ELAPOR2: variants seen among roughly 807,000 people sequenced by gnomAD.
ELAPOR2 encodes the protein endosome-lysosome associated apoptosis and autophagy regulator family member 2, also known as endosome/lysosome-associated apoptosis and autophagy regulator family member 2.
ELAPOR2 carries 89 observed loss-of-function variants against 120.7 expected under a neutral mutation model. The ratio of observed to expected loss-of-function variants is 0.74; its 90% CI spans 0.62 to 0.88. ELAPOR2 has a LOEUF of 0.88. Among genes scored for constraint, ELAPOR2 ranks in the 40% least tolerant of loss-of-function variants. The probability of loss-of-function intolerance (pLI) is 0.00; values close to 1 mark genes in which losing one functional copy is unlikely to be tolerated. For synonymous variants in ELAPOR2, 444 were observed against 444.9 expected, an observed-to-expected ratio of 1.00 and a Z score of 0.03; for missense variants, 1,134 against 1,251.6, an observed-to-expected ratio of 0.91 and a Z score of 1.42.
At position 86,959,538 on chromosome 7, in the gene ELAPOR2, T is replaced by C. The variant is rs531350339; in HGVS notation, c.310+5366A>G. Reference sequence around the variant, plus strand: ...TAAGAGTTTGTATCATAAAAGAGTATTGAATTTTGTCAAATGTTCTTTCTG... The same window carrying C: ...TAAGAGTTTGTATCATAAAAGAGTACTGAATTTTGTCAAATGTTCTTTCTG... On this transcript the variant is annotated intron_variant, in intron 2 of 21. Coordinates refer to ENST00000450689, the MANE Select transcript of ELAPOR2 (RefSeq NM_001142749.3). Among the ~76,000 whole-genome samples, 102 of 152,344 alleles carry C rather than the reference T, an allele frequency of 6.7e-4. No individual in the cohort carries two copies. In the Middle Eastern group the frequency reaches 0.02, roughly 30 times the overall value.
At chr7:86,992,960 G>A (rs1476310364) in intron 1 of ELAPOR2, among the ~76,000 whole-genome samples, 4 of 152,034 alleles carry the variant, frequency 2.6e-5, no homozygotes, top group South Asian at 2.1e-4. Flanking sequence ...AAATCTTGCC[G>A]GGCGTGGTGG....
intron 1 of ELAPOR2, among the ~76,000 whole-genome samples, chr7:86,970,225 T>C (rs1326519589): frequency 6.6e-6 from 1 of 152,140 alleles, no homozygotes; most frequent in Non-Finnish European, 1.5e-5. Flanking sequence ...CCACAAATTC[T>C]AGTACAGAAT....
At chr7:86,964,810 G>A (rs1791844578) in intron 2 of ELAPOR2, 94 bp downstream of exon 2, 1 of 1,347,206 alleles carries the variant, frequency 7.4e-7, no homozygotes. Flanking sequence ...ATTTTTGTAA[G>A]GTCTCCTACA....
intron 1 of ELAPOR2, among the ~76,000 whole-genome samples, chr7:87,045,829 C>G (rs1794937246): frequency 6.6e-6 from 1 of 151,506 alleles, no homozygotes; most frequent in Admixed American, 6.6e-5. Flanking sequence ...CCATATAAAA[C>G]AGGTCCACAG....
chr7:86,998,867 G>A (rs1326503597), intron 1 of ELAPOR2, among the ~76,000 whole-genome samples: 3 of 143,108 alleles, frequency 2.1e-5, no homozygotes, highest in Non-Finnish European at 3.0e-5. Context: ...TTTTTTCAAA[G>A]AACCTGAGAA....
intron 1 of ELAPOR2, among the ~76,000 whole-genome samples, chr7:87,019,581 T>C (rs537070625): frequency 1.3e-5 from 2 of 152,284 alleles, no homozygotes; most frequent in South Asian, 2.1e-4. Flanking sequence ...TTTATATAAA[T>C]AGAAATTTTA....
intron 5 of ELAPOR2, 98 bp downstream of exon 5, chr7:86,941,920 G>A (rs1485865652): frequency 7.6e-6 from 5 of 657,570 alleles, no homozygotes; most frequent in Middle Eastern, 2.5e-4. Flanking sequence ...TTCTTAAAAC[G>A]TTATGAAAGG....
At chr7:86,881,892 G>A (rs1187664006) in intron 21 of ELAPOR2, among the ~76,000 whole-genome samples, 3 of 152,218 alleles carry the variant, frequency 2.0e-5, no homozygotes, top group African/African-American at 4.8e-5. Context: ...ATAGTGACAT[G>A]AGAAGATAAT....
At chr7:86,890,444 C>G (rs1444270297) in intron 21 of ELAPOR2, among the ~76,000 whole-genome samples, 3 of 151,966 alleles carry the variant, frequency 2.0e-5, no homozygotes, top group Admixed American at 6.6e-5. Context: ...TATGAACATT[C>G]AGGTTCCTAA....
intron 2 of ELAPOR2, among the ~76,000 whole-genome samples, chr7:86,958,638 T>A (rs996426129): frequency 6.6e-6 from 1 of 152,166 alleles, no homozygotes; most frequent in African/African-American, 2.4e-5. Context: ...GAAAACCAGA[T>A]GCTGCTCCAC....
intron 8 of ELAPOR2, 118 bp downstream of exon 8, chr7:86,938,008 C>T: frequency 2.8e-6 from 2 of 714,080 alleles, no homozygotes; most frequent in Admixed American, 5.4e-5. Flanking sequence ...TCTAAAATTT[C>T]CTCTTTACAC....
At chr7:87,054,419 C>G (rs943589986) in intron 1 of ELAPOR2, among the ~76,000 whole-genome samples, 1 of 152,200 alleles carries the variant, frequency 6.6e-6, no homozygotes, top group Non-Finnish European at 1.5e-5. Context: ...AGAAATGATT[C>G]TAAGCATAAG....
At chr7:87,000,744 C>G (rs1332314081) in intron 1 of ELAPOR2, among the ~76,000 whole-genome samples, 1 of 152,166 alleles carries the variant, frequency 6.6e-6, no homozygotes, top group Non-Finnish European at 1.5e-5. Flanking sequence ...AAAACATCAT[C>G]TACTGACCCC....
Position 86,989,836 on chromosome 7 carries a change from A to G in ELAPOR2, c.190-24812T>C, listed in dbSNP as rs983424683. Among the ~76,000 whole-genome samples, 7 of 152,040 alleles carry G rather than the reference A, an allele frequency of 4.6e-5. No homozygotes were observed. The East Asian group carries it at 1.2e-3, about 25-fold the overall frequency. On this transcript the variant is annotated intron_variant, in intron 1 of 21. Coordinates refer to ENST00000450689, the MANE Select transcript of ELAPOR2 (RefSeq NM_001142749.3). ...ATTTTTATTAGTGTAGAAAAAAATT[A>G]TAAGTCCCTAAAATTCAAAGTTATT...
At position 86,964,960 on chromosome 7, in the gene ELAPOR2, G is replaced by A; in HGVS notation, c.254C>T (p.Pro85Leu). 1 of 1,551,524 alleles carries A rather than the reference G, an allele frequency of 6.4e-7. No homozygotes were observed. The highest frequency in any genetic ancestry group is 8.7e-7 in the Non-Finnish European group (1 of 1,146,840). ...SSGSRWRVAIPNSAVDCSGLP... is the reference protein window; with the variant it reads ...SSGSRWRVAILNSAVDCSGLP... ...GCCAGAGCAGTCCACTGCAGAATTTGGAATGGCAACTCTCCACCTGGAGCC... is the reference window on the plus strand; with the variant it reads ...GCCAGAGCAGTCCACTGCAGAATTTAGAATGGCAACTCTCCACCTGGAGCC... Residue 85 changes from proline (P) to leucine (L), a missense_variant, in exon 2 of 22, where the codon CCA becomes CTA. Around this residue, in one of 3 missense-constraint regions of ELAPOR2, gnomAD observed 280 missense variants for 331.5 expected, o/e 0.84. Coordinates refer to ENST00000450689, the MANE Select transcript of ELAPOR2 (RefSeq NM_001142749.3).
intron 1 of ELAPOR2, among the ~76,000 whole-genome samples, chr7:86,976,381 A>C (rs1277527779): frequency 1.3e-5 from 2 of 152,214 alleles, no homozygotes; most frequent in Admixed American, 1.3e-4. Flanking sequence ...TAGAGAAGAT[A>C]ATCCTCTGGT....
chr7:86,889,999 T>C (rs1788063861), intron 21 of ELAPOR2, among the ~76,000 whole-genome samples: 1 of 151,870 alleles, frequency 6.6e-6, no homozygotes, highest in Non-Finnish European at 1.5e-5. Flanking sequence ...CTTGGTGTCC[T>C]ATTGGTAGTA....
intron 1 of ELAPOR2, among the ~76,000 whole-genome samples, chr7:86,982,904 T>TA (rs34897683): frequency 2.0e-5 from 3 of 151,768 alleles, no homozygotes; most frequent in African/African-American, 7.3e-5. Context: ...TAAAGGAGGA[T>TA]TTCAAACCCA....
chr7:86,895,139 C>A (rs1788379979), intron 19 of ELAPOR2, among the ~76,000 whole-genome samples: 1 of 152,058 alleles, frequency 6.6e-6, no homozygotes, highest in South Asian at 2.1e-4. Context: ...ATACCCATTG[C>A]AATATTTTGC....
Sources: gnomAD v4.1 joint callset for allele counts (sites outside exome capture counted in the v4.1 genomes callset) on GRCh38, gnomAD v4.1.1 for gene constraint, gnomAD v4.1.1 regional missense constraint, MANE v1.5 for transcripts, NCBI Gene and HGNC (gene_info 2026-07-23, HGNC 2026-07-21) for gene names.